The following TDRP variants were observed in gnomAD, a reference collection of about 807,000 sequenced individuals.
TDRP encodes the protein testis development related protein, also known as testis development-related protein.
In TDRP, 12 loss-of-function variants were observed where a neutral mutation model predicts 10.5. That is an observed-to-expected ratio of 1.15 (90% confidence interval 0.73 to 1.86). The LOEUF (loss-of-function observed/expected upper bound fraction) is 1.86, where lower values mean the gene tolerates loss of function less well. TDRP is among the 40% of genes most tolerant of loss of function. The probability of loss-of-function intolerance (pLI) is 0.00; values close to 1 mark genes in which losing one functional copy is unlikely to be tolerated. For synonymous variants in TDRP, 139 were observed against 95.4 expected, an observed-to-expected ratio of 1.46 and a Z score of -2.67; for missense variants, 353 against 229.2, an observed-to-expected ratio of 1.54 and a Z score of -3.49.
chr8:524,698 A>C (rs1801991785), intron 1 of TDRP, among the ~76,000 whole-genome samples: 1 of 152,236 alleles, frequency 6.6e-6, no homozygotes, highest in Admixed American at 6.5e-5. Flanking sequence ...CAAAAGTAGA[A>C]TTGATGAGGC....
chr8:518,736 T>C (rs75036945), intron 1 of TDRP, among the ~76,000 whole-genome samples: 3,741 of 149,066 alleles, frequency 0.025, 133 homozygotes, highest in African/African-American at 0.086. Context: ...TGAAAAAAAA[T>C]TGGAAAAGTA....
chr8:514,285 G>A (rs79604283), intron 1 of TDRP, among the ~76,000 whole-genome samples: 73 of 152,282 alleles, frequency 4.8e-4, no homozygotes, highest in Middle Eastern at 3.4e-3. Context: ...AGAACTAAGC[G>A]TCCAGAAATA....
At position 492,531 on chromosome 8, in the gene TDRP, G is replaced by A. The variant is rs1253497155; in HGVS notation, c.426C>T (p.Gly142=). Residue 142 remains glycine (G), a synonymous_variant, in exon 3 of 3, where the codon GGC becomes GGT. Transcript: ENST00000324079. ...TGGCCAGGCTGGTGTACTTGGTCGA[G>A]CCCTTGGCGTCATCCTCCCAGCCTG... ...SWSGWEDDAK[G]STKYTSLASS... 1 of 1,611,138 alleles carries A rather than the reference G, an allele frequency of 6.2e-7. No homozygotes were observed. Among genetic ancestry groups the A allele is most frequent in the Non-Finnish European group, 8.5e-7 (1 of 1,178,436 alleles).
chr8:543,294 C>T (rs1225322437), intron 1 of TDRP, among the ~76,000 whole-genome samples: 3 of 151,938 alleles, frequency 2.0e-5, no homozygotes, highest in Non-Finnish European at 2.9e-5. Flanking sequence ...GCCTAGTAAA[C>T]GGGGCAAGAC....
At chr8:529,556 T>C (rs1251571843) in intron 1 of TDRP, among the ~76,000 whole-genome samples, 2 of 128,968 alleles carry the variant, frequency 1.6e-5, no homozygotes, top group African/African-American at 6.0e-5. Context: ...GTAGATCTAG[T>C]GGTGGTGAAC....
At chr8:530,753 C>G (rs1226281204) in intron 1 of TDRP, among the ~76,000 whole-genome samples, 2 of 152,148 alleles carry the variant, frequency 1.3e-5, no homozygotes, top group Non-Finnish European at 2.9e-5. Context: ...CCTTGGTTCT[C>G]TCAGCGCTCT....
intron 1 of TDRP, among the ~76,000 whole-genome samples, chr8:512,860 T>C (rs1221643544): frequency 2.0e-5 from 3 of 152,098 alleles, no homozygotes; most frequent in African/African-American, 7.2e-5. Flanking sequence ...TAATCCCAGC[T>C]ACTCAGGAGG....
chr8:514,937 A>G (rs929014359), intron 1 of TDRP, among the ~76,000 whole-genome samples: 21 of 152,230 alleles, frequency 1.4e-4, no homozygotes, highest in African/African-American at 4.6e-4. Context: ...AAGGAATTGG[A>G]TCATGATGGT....
upstream of TDRP, among the ~76,000 whole-genome samples, chr8:545,309 C>G: frequency 7.6e-6 from 1 of 132,196 alleles, no homozygotes; most frequent in Non-Finnish European, 1.6e-5. Flanking sequence ...TGAGCCCCCA[C>G]CGAGCCCCTA....
intron 1 of TDRP, among the ~76,000 whole-genome samples, chr8:504,469 C>G (rs982556338): frequency 3.3e-5 from 5 of 152,172 alleles, no homozygotes; most frequent in African/African-American, 1.2e-4. Flanking sequence ...AAGAAACCCA[C>G]TCACCAAGTG....
At chr8:528,938 C>A (rs1371024469) in intron 1 of TDRP, among the ~76,000 whole-genome samples, 2 of 152,096 alleles carry the variant, frequency 1.3e-5, no homozygotes, top group African/African-American at 4.8e-5. Context: ...AGCTGAGGAG[C>A]AAGGAAGCCA....
At position 491,845 on chromosome 8, in the gene TDRP, C is replaced by G; in HGVS notation, c.*554G>C. 8.2e-7 allele frequency: 1 copy of G among 1,224,044 alleles called. No individual in the cohort carries two copies. Among genetic ancestry groups the G allele is most frequent in the Non-Finnish European group, 1.0e-6 (1 of 982,372 alleles). 75.8% of individuals were successfully genotyped at this position (1,224,044 alleles called of 1,614,324 possible). A position where few individuals can be genotyped will look rare whatever the true frequency, so the allele number is the denominator to read the frequency against. On this transcript the variant is annotated 3_prime_UTR_variant, in exon 3 of 3. Transcript: ENST00000324079. ...CATGCATTTTAAGATACATTTTACT[C>G]CCAAATATAAGCTTTGCTTTTCCAG...
intron 1 of TDRP, among the ~76,000 whole-genome samples, chr8:512,903 T>G (rs1709877342): frequency 6.6e-6 from 1 of 150,690 alleles, no homozygotes; most frequent in African/African-American, 2.4e-5. Context: ...ACCTGGGAAG[T>G]GGAGGTTGCA....
At chr8:503,882 C>G (rs1363672458) in intron 1 of TDRP, among the ~76,000 whole-genome samples, 1 of 147,378 alleles carries the variant, frequency 6.8e-6, no homozygotes, top group African/African-American at 2.5e-5. Context: ...GAATCCAGAG[C>G]CACACAAGGG....
intron 1 of TDRP, among the ~76,000 whole-genome samples, chr8:535,026 G>C (rs762001602): frequency 1.3e-5 from 2 of 152,070 alleles, no homozygotes. Flanking sequence ...CTTGATAAAA[G>C]GACTCGTTAT....
chr8:536,290 G>C (rs1245153352), intron 1 of TDRP, among the ~76,000 whole-genome samples: 1 of 152,212 alleles, frequency 6.6e-6, no homozygotes, highest in Non-Finnish European at 1.5e-5. Flanking sequence ...ACCGTCTTTA[G>C]TGAGCTGATC....
chr8:497,473 T>C (rs1238164925), intron 1 of TDRP, among the ~76,000 whole-genome samples: 1 of 152,194 alleles, frequency 6.6e-6, no homozygotes, highest in Non-Finnish European at 1.5e-5. Flanking sequence ...ACATGTGGCC[T>C]GGGTGCTCCT....
chr8:545,021 C>A, upstream of TDRP: 1 of 289,428 alleles, frequency 3.5e-6, no homozygotes, highest in South Asian at 1.7e-4. Flanking sequence ...CCAGGCCCGC[C>A]CCAAACCCTT....
intron 1 of TDRP, among the ~76,000 whole-genome samples, chr8:528,872 TTTA>T (rs1229367030): frequency 6.6e-6 from 1 of 151,190 alleles, no homozygotes; most frequent in Non-Finnish European, 1.5e-5. Context: ...TAAAGGGGAA[TTTA>T]TTAAGTAGTA....
Sources: allele counts gnomAD v4.1 joint callset (sites outside exome capture counted in the v4.1 genomes callset), GRCh38; gene constraint gnomAD v4.1.1; transcripts MANE v1.5; gene names NCBI Gene and HGNC (gene_info 2026-07-23, HGNC 2026-07-21).